The following SCHIP1 variants were observed in gnomAD, a reference collection of about 807,000 sequenced individuals.
SCHIP1 encodes the protein schwannomin-interacting protein 1.
In SCHIP1, 8 loss-of-function variants were observed where a neutral mutation model predicts 29.7. The observed-to-expected ratio is 0.27, with a 90% CI of 0.16 to 0.49. The LOEUF (loss-of-function observed/expected upper bound fraction) is 0.49, where lower values mean the gene tolerates loss of function less well. SCHIP1 is among the 20% of genes least tolerant of loss of function. The pLI, the probability that SCHIP1 is intolerant of heterozygous loss-of-function variation, is 0.99. For synonymous variants in SCHIP1, 76 were observed against 94.9 expected, an observed-to-expected ratio of 0.80 and a Z score of 1.16; for missense variants, 193 against 294.6, an observed-to-expected ratio of 0.66 and a Z score of 2.52.
the SCHIP1 span, among the ~76,000 whole-genome samples, chr3:159,659,479 T>G: frequency 6.6e-6 from 1 of 151,992 alleles, no homozygotes; most frequent in African/African-American, 2.4e-5. Flanking sequence ...ATGTCAGGAG[T>G]GGATGAGATA....
upstream of SCHIP1, among the ~76,000 whole-genome samples, chr3:159,837,261 G>A (rs1195463267): frequency 6.6e-6 from 1 of 152,224 alleles, no homozygotes; most frequent in African/African-American, 2.4e-5. Context: ...TAGGGTCATA[G>A]ATTGTCAAGG....
the SCHIP1 span, among the ~76,000 whole-genome samples, chr3:159,448,825 G>A: frequency 6.6e-6 from 1 of 152,182 alleles, no homozygotes; most frequent in Non-Finnish European, 1.5e-5. Flanking sequence ...AGCATCGTGA[G>A]GTAGTCCAGG....
chr3:159,683,271 C>G, the SCHIP1 span, among the ~76,000 whole-genome samples: 1 of 151,924 alleles, frequency 6.6e-6, no homozygotes, highest in South Asian at 2.1e-4. Flanking sequence ...AGGCTAGCCT[C>G]GAACTCCTGA....
the SCHIP1 span, among the ~76,000 whole-genome samples, chr3:159,608,201 C>T: frequency 6.6e-6 from 1 of 152,278 alleles, no homozygotes; most frequent in South Asian, 2.1e-4. Context: ...GTCAAGGAGA[C>T]CTCAGTGATT....
chr3:159,562,047 C>T, the SCHIP1 span, among the ~76,000 whole-genome samples: 19 of 152,324 alleles, frequency 1.2e-4, no homozygotes, highest in African/African-American at 4.3e-4. Flanking sequence ...GCTTTCCTTG[C>T]ATTTCCTGAG....
the SCHIP1 span, among the ~76,000 whole-genome samples, chr3:159,385,343 A>C: frequency 0.58 from 87,792 of 151,940 alleles, 26,512 homozygotes; most frequent in Middle Eastern, 0.67. Flanking sequence ...AGATCAGTTG[A>C]GGCCAGGAGT....
At chr3:159,647,917 T>C in the SCHIP1 span, among the ~76,000 whole-genome samples, 2 of 152,174 alleles carry the variant, frequency 1.3e-5, no homozygotes, top group African/African-American at 4.8e-5. Flanking sequence ...CAGAGGGTCA[T>C]GGAGAAACTG....
the SCHIP1 span, among the ~76,000 whole-genome samples, chr3:159,615,930 A>C: frequency 1.2e-4 from 18 of 152,176 alleles, no homozygotes; most frequent in African/African-American, 3.6e-4. Flanking sequence ...AGCAGTGCCT[A>C]ATTTTACTAG....
the SCHIP1 span, among the ~76,000 whole-genome samples, chr3:159,636,638 T>C: frequency 6.6e-6 from 1 of 152,218 alleles, no homozygotes; most frequent in Non-Finnish European, 1.5e-5. Context: ...ATCTACAATG[T>C]GCCAACCCAG....
At chr3:159,820,290 T>G in the SCHIP1 span, among the ~76,000 whole-genome samples, 1 of 152,178 alleles carries the variant, frequency 6.6e-6, no homozygotes, top group Non-Finnish European at 1.5e-5. Flanking sequence ...AAGGTGTTTT[T>G]ACAGCCCACC....
chr3:159,772,522 C>T, the SCHIP1 span, among the ~76,000 whole-genome samples: 7 of 152,354 alleles, frequency 4.6e-5, no homozygotes, highest in East Asian at 9.6e-4. Context: ...TAAGTCCTCC[C>T]TCCCCCTTAA....
chr3:159,839,628 CTTTTTTTTTTTTTTT>C (rs3068349), upstream of SCHIP1, among the ~76,000 whole-genome samples: 4 of 71,710 alleles, frequency 5.6e-5, no homozygotes, highest in Non-Finnish European at 7.3e-5. Context: ...AGGTCTTTTT[CTTTTTTTTTTTTTTT>C]TTTTTTTTTT....
chr3:159,511,177 C>A, the SCHIP1 span, among the ~76,000 whole-genome samples: 1 of 152,204 alleles, frequency 6.6e-6, no homozygotes, highest in South Asian at 2.1e-4. Context: ...GTGGGCACCC[C>A]TCGCCCAGCC....
the SCHIP1 span, among the ~76,000 whole-genome samples, chr3:159,415,007 T>G: frequency 6.6e-6 from 1 of 152,178 alleles, no homozygotes; most frequent in Non-Finnish European, 1.5e-5. Flanking sequence ...GGTCGCAGAC[T>G]GCCTTAAATG....
the SCHIP1 span, among the ~76,000 whole-genome samples, chr3:159,359,038 T>A: frequency 9.5e-5 from 14 of 147,860 alleles, no homozygotes; most frequent in Non-Finnish European, 1.8e-4. Flanking sequence ...AGCGATTCCC[T>A]TGCCTCAGCC....
At chr3:159,775,154 C>A in the SCHIP1 span, among the ~76,000 whole-genome samples, 1 of 152,184 alleles carries the variant, frequency 6.6e-6, no homozygotes, top group South Asian at 2.1e-4. Flanking sequence ...TTGCCCATGT[C>A]TGAGATGATT....
At chr3:159,736,995 A>C in the SCHIP1 span, among the ~76,000 whole-genome samples, 1 of 152,198 alleles carries the variant, frequency 6.6e-6, no homozygotes, top group South Asian at 2.1e-4. Context: ...CGGCCTCCCA[A>C]AGTGCTGGGA....
At chr3:159,741,718 CAA>C in the SCHIP1 span, among the ~76,000 whole-genome samples, 1 of 152,188 alleles carries the variant, frequency 6.6e-6, no homozygotes, top group Non-Finnish European at 1.5e-5. Flanking sequence ...CCAAAAATGG[CAA>C]AGTCTTGCTG....
chr3:159,501,540 T>C, the SCHIP1 span, among the ~76,000 whole-genome samples: 2 of 152,242 alleles, frequency 1.3e-5, no homozygotes, highest in Admixed American at 6.5e-5. Flanking sequence ...CTTCCATTTA[T>C]GTGTTAATAA....
Sources: gnomAD v4.1 joint callset for allele counts (sites outside exome capture counted in the v4.1 genomes callset) on GRCh38, gnomAD v4.1.1 for gene constraint, MANE v1.5 for transcripts, NCBI Gene and HGNC (gene_info 2026-07-23, HGNC 2026-07-21) for gene names.